DMRT1: variants seen among roughly 807,000 people sequenced by gnomAD.
DMRT1 encodes doublesex and mab-3 related transcription factor 1, also known as doublesex- and mab-3-related transcription factor 1.
A neutral mutation model predicts 32.3 loss-of-function variants in DMRT1; 7 were observed. The ratio of observed to expected loss-of-function variants is 0.22; its 90% CI spans 0.12 to 0.41. The LOEUF is 0.41. Among genes scored for constraint, DMRT1 ranks in the 10% least tolerant of loss-of-function variants. The pLI is 1.00. For missense variants in DMRT1, 625 were observed against 500.5 expected (o/e 1.25, Z -2.37); for synonymous variants, 278 against 206.1 (o/e 1.35, Z -2.99).
intron 2 of DMRT1, among the ~76,000 whole-genome samples, chr9:883,746 C>G (rs1049363424): frequency 6.6e-6 from 1 of 150,490 alleles, no homozygotes; most frequent in African/African-American, 2.5e-5. Context: ...GAGCCATGAT[C>G]ACACCACTGC....
chr9:847,137 G>A lies in DMRT1; in HGVS notation c.532G>A (p.Ala178Thr). 5 of 1,612,622 alleles carry A rather than the reference G, an allele frequency of 3.1e-6. No homozygotes were observed. Among genetic ancestry groups the A allele is most frequent in the South Asian group, 1.1e-5 (1 of 91,012 alleles). ...PPPASVPTTA[A>T]SEGRMVIQDI... ...GCCGGCCAGTGTCCCCACCACTGCA[G>A]CTTCAGGTAATCTGGAGGGGCTGGG... The change falls in exon 2 of 5, where the codon GCT (alanine) becomes ACT (threonine). Residue 178 changes from alanine (A) to threonine (T), a missense_variant. Ala to Thr is a moderately conservative substitution (Grantham distance 58). This residue lies in a region of DMRT1 where 416 missense variants were observed against 321.6 expected (regional missense o/e 1.29). Transcript: ENST00000382276.
chr9:876,687 A>G lies in DMRT1; in HGVS notation c.539-17225A>G, dbSNP rs529596061. Among the ~76,000 whole-genome samples the G allele has an allele frequency of 1.2e-4, 18 of 152,088 alleles. 1 individual carries two copies. In the South Asian group the frequency reaches 3.3e-3, roughly 28 times the overall value. On this transcript the variant is annotated intron_variant, in intron 2 of 4. Coordinates refer to ENST00000382276, the MANE Select transcript of DMRT1 (RefSeq NM_021951.3). Reference sequence around the variant, plus strand: ...GCTGGGTCTATAGGCTCGTGCCACTATGCCCAGCTATTTTAAAATGTTTTG... The same window carrying G: ...GCTGGGTCTATAGGCTCGTGCCACTGTGCCCAGCTATTTTAAAATGTTTTG...
At chr9:957,510 G>T (rs1819637434) in intron 4 of DMRT1, among the ~76,000 whole-genome samples, 1 of 152,142 alleles carries the variant, frequency 6.6e-6, no homozygotes, top group Admixed American at 6.5e-5. Context: ...TTCCTAAACA[G>T]TGTGCACTTG....
At chr9:952,274 T>C (rs1270754575) in intron 4 of DMRT1, among the ~76,000 whole-genome samples, 2 of 152,242 alleles carry the variant, frequency 1.3e-5, no homozygotes, top group Non-Finnish European at 2.9e-5. Flanking sequence ...GTGCCTTTTA[T>C]GCGTGAGTTT....
intron 2 of DMRT1, among the ~76,000 whole-genome samples, chr9:876,723 G>T (rs530479692): frequency 1.3e-5 from 2 of 152,214 alleles, no homozygotes; most frequent in Admixed American, 6.5e-5. Flanking sequence ...TAGAGATGGG[G>T]TCTCGCCATG....
At chr9:854,512 A>C (rs868081129) in intron 2 of DMRT1, among the ~76,000 whole-genome samples, 1 of 152,002 alleles carries the variant, frequency 6.6e-6, no homozygotes, top group Non-Finnish European at 1.5e-5. Flanking sequence ...TTATCTTTGG[A>C]GTTTTCTAAT....
At chr9:875,900 CG>C (rs1816480684) in intron 2 of DMRT1, among the ~76,000 whole-genome samples, 1 of 152,078 alleles carries the variant, frequency 6.6e-6, no homozygotes, top group African/African-American at 2.4e-5. Flanking sequence ...TAGCTGCGTC[CG>C]GTGTTTAAAA....
At chr9:957,818 TG>T (rs1311302839) in intron 4 of DMRT1, among the ~76,000 whole-genome samples, 3 of 152,106 alleles carry the variant, frequency 2.0e-5, no homozygotes, top group Admixed American at 2.0e-4. Context: ...GAGACCAGCC[TG>T]ACCAACATGG....
chr9:967,938 T>G (rs764663892), intron 4 of DMRT1, 47 bp from the exon 5 acceptor site: 1 of 1,581,130 alleles, frequency 6.3e-7, no homozygotes, highest in African/African-American at 1.4e-5. Context: ...CTTTTAACAT[T>G]ACTCCCTTTC....
At chr9:934,674 G>A (rs1458585983) in intron 4 of DMRT1, among the ~76,000 whole-genome samples, 2 of 152,224 alleles carry the variant, frequency 1.3e-5, no homozygotes, top group East Asian at 1.9e-4. Flanking sequence ...TGTATATGGT[G>A]TAAGGGAAGA....
intron 4 of DMRT1, among the ~76,000 whole-genome samples, chr9:948,960 G>A (rs1383632297): frequency 1.3e-5 from 2 of 151,302 alleles, no homozygotes; most frequent in Non-Finnish European, 2.9e-5. Flanking sequence ...GGGCGTGGTG[G>A]TGGGTGCCTG....
At chr9:927,230 C>A (rs1818556475) in intron 4 of DMRT1, among the ~76,000 whole-genome samples, 1 of 152,230 alleles carries the variant, frequency 6.6e-6, no homozygotes, top group African/African-American at 2.4e-5. Flanking sequence ...CGGCCGCTGT[C>A]TTTGAAAATT....
At chr9:878,339 C>T (rs575096583) in intron 2 of DMRT1, among the ~76,000 whole-genome samples, 2 of 152,000 alleles carry the variant, frequency 1.3e-5, no homozygotes, top group Admixed American at 6.6e-5. Flanking sequence ...GAATGGTGCA[C>T]TCTACTCCAC....
intron 2 of DMRT1, among the ~76,000 whole-genome samples, chr9:858,229 C>T (rs1054321970): frequency 1.3e-5 from 2 of 152,164 alleles, no homozygotes; most frequent in Non-Finnish European, 2.9e-5. Context: ...GGGCAGTTCA[C>T]AAAGACTTTC....
intron 2 of DMRT1, among the ~76,000 whole-genome samples, chr9:856,864 G>A (rs149964799): frequency 0.016 from 2,363 of 152,260 alleles, 64 homozygotes; most frequent in African/African-American, 0.055. Context: ...CAGTCTATGA[G>A]GGTTCCAGAA....
chr9:904,504 A>G (rs1444861061), intron 3 of DMRT1, among the ~76,000 whole-genome samples: 1 of 152,208 alleles, frequency 6.6e-6, no homozygotes, highest in Non-Finnish European at 1.5e-5. Flanking sequence ...AGTTGCCAAA[A>G]AATATCCACT....
rs1261019701 is a variant in DMRT1, at chr9:932,854, G to A, written c.967+15947G>A. Among the ~76,000 whole-genome samples the A allele has an allele frequency of 3.3e-5, 5 of 152,018 alleles. No individual in the cohort carries two copies. The East Asian group carries it at 9.7e-4, about 30-fold the overall frequency. On this transcript the variant is annotated intron_variant, in intron 4 of 4. Coordinates refer to ENST00000382276, the MANE Select transcript of DMRT1 (RefSeq NM_021951.3). The stretch of plus-strand genomic sequence containing the variant: ...TTTAAATAAAGGATACAACTCAGGA[G>A]CAGCCAAATGGAAGATGTGCATGGG...
At chr9:853,249 C>T (rs899317704) in intron 2 of DMRT1, among the ~76,000 whole-genome samples, 2 of 152,020 alleles carry the variant, frequency 1.3e-5, no homozygotes, top group Admixed American at 6.6e-5. Flanking sequence ...ACTGATGCAT[C>T]ATTGTCATCC....
intron 4 of DMRT1, among the ~76,000 whole-genome samples, chr9:924,609 C>T (rs946199103): frequency 2.0e-5 from 3 of 152,060 alleles, no homozygotes; most frequent in Admixed American, 2.0e-4. Flanking sequence ...GAGGGCTAAG[C>T]GTATGTGTAT....
Sources: allele counts gnomAD v4.1 joint callset (sites outside exome capture counted in the v4.1 genomes callset), GRCh38; gene constraint gnomAD v4.1.1; regional missense constraint gnomAD v4.1.1; transcripts MANE v1.5; gene names NCBI Gene and HGNC (gene_info 2026-07-23, HGNC 2026-07-21).